The following RAB40C variants were observed in gnomAD, a reference collection of about 807,000 sequenced individuals.
RAB40C encodes the protein ras-related protein Rab-40C.
RAB40C carries 8 observed loss-of-function variants against 28.1 expected under a neutral mutation model. The observed-to-expected ratio is 0.28, with a 90% CI of 0.17 to 0.51. The LOEUF (loss-of-function observed/expected upper bound fraction) is 0.51, where lower values mean the gene tolerates loss of function less well. Ranked by LOEUF, RAB40C falls within the 20% of genes least tolerant of loss-of-function variation. RAB40C has a pLI of 0.97. For synonymous variants in RAB40C, 201 were observed against 171.7 expected, an observed-to-expected ratio of 1.17 and a Z score of -1.34; for missense variants, 288 against 405.9, an observed-to-expected ratio of 0.71 and a Z score of 2.50.
intron 3 of RAB40C, 124 bp from the exon 4 acceptor site, chr16:625,308 T>C: frequency 1.4e-6 from 2 of 1,475,572 alleles, no homozygotes; most frequent in Non-Finnish European, 1.8e-6. Context: ...CATCTGCCCA[T>C]CCGCCAAGTA....
chr16:598,542 A>G (rs181710803), intron 1 of RAB40C, among the ~76,000 whole-genome samples: 1 of 149,128 alleles, frequency 6.7e-6, no homozygotes, highest in Non-Finnish European at 1.5e-5. Context: ...GCTTGGTGAC[A>G]GAGCGAGACT....
chr16:608,415 C>G (rs1043868177), intron 1 of RAB40C, among the ~76,000 whole-genome samples: 1 of 152,226 alleles, frequency 6.6e-6, no homozygotes, highest in Non-Finnish European at 1.5e-5. Context: ...TAGCTCCCAC[C>G]TCGTCCTCTG....
At position 627,584 on chromosome 16, in the gene RAB40C, C is replaced by T. The variant is rs754026121; in HGVS notation, c.808C>T (p.Pro270Ser). ...SKSIRPPQSPPQNCSRSNCKI... is the reference protein window; with the variant it reads ...SKSIRPPQSPSQNCSRSNCKI... ...GTCCATCCGTCCACCCCAGAGCCCC[C>T]CCCAGAACTGCTCGCGGAGTAACTG... The change falls in exon 6 of 6, where the codon CCC (proline) becomes TCC (serine). Residue 270 changes from proline (P) to serine (S), a missense_variant. Around this residue, in one of 3 missense-constraint regions of RAB40C, gnomAD observed 57 missense variants for 55.3 expected, o/e 1.03. Transcript: ENST00000248139. The T allele has an allele frequency of 1.2e-6, 2 of 1,604,880 alleles. No homozygotes were observed. Among genetic ancestry groups the T allele is most frequent in the Non-Finnish European group, 1.7e-6 (2 of 1,174,282 alleles).
rs372187993 is a variant in RAB40C at position 617,194 on chromosome 16, G to A, written c.143-14G>A. On this transcript the variant is annotated splice_polypyrimidine_tract_variant and intron_variant, in intron 1 of 5. Transcript: ENST00000248139. ...GAGTGGCGCGTCCCCTCAGCGCCCTGTGCTTCCTCGCAGGGATCGACTACA... is the reference window on the plus strand; with the variant it reads ...GAGTGGCGCGTCCCCTCAGCGCCCTATGCTTCCTCGCAGGGATCGACTACA... 9.2e-5 allele frequency: 149 copies of A among 1,613,324 alleles called. 2 individuals are homozygous for A. Among genetic ancestry groups the A allele is most frequent in the Non-Finnish European group, 1.7e-5 (20 of 1,179,970 alleles).
At chr16:594,115 G>T (rs2036061832) in intron 1 of RAB40C, among the ~76,000 whole-genome samples, 1 of 152,182 alleles carries the variant, frequency 6.6e-6, no homozygotes, top group South Asian at 2.1e-4. Flanking sequence ...GAAGGTCCTG[G>T]ATTAAGGCAG....
At chr16:606,500 A>G (rs1379127595) in intron 1 of RAB40C, among the ~76,000 whole-genome samples, 68 of 124,086 alleles carry the variant, frequency 5.5e-4, no homozygotes, top group South Asian at 8.2e-4. Flanking sequence ...TGGCTGACAC[A>G]CAGTCCTCTC....
At chr16:624,748 G>A (rs1025177894) in intron 3 of RAB40C, 1 of 985,456 alleles carries the variant, frequency 1.0e-6, no homozygotes, top group Non-Finnish European at 1.2e-6. Context: ...CGGGCATAGG[G>A]GAATGGGCCT....
chr16:598,897 A>G (rs1427743775), intron 1 of RAB40C, among the ~76,000 whole-genome samples: 2 of 152,330 alleles, frequency 1.3e-5, no homozygotes, highest in South Asian at 2.1e-4. Flanking sequence ...AGCACTCTCC[A>G]GCAGCTCCAG....
chr16:600,479 A>C (rs139551643), intron 1 of RAB40C, among the ~76,000 whole-genome samples: 1 of 152,146 alleles, frequency 6.6e-6, no homozygotes, highest in Non-Finnish European at 1.5e-5. Context: ...CCGGATGGGC[A>C]CGGTGGCTCA....
intron 2 of RAB40C, 35 bp downstream of exon 2, chr16:617,303 G>C (rs768773289): frequency 1.2e-6 from 2 of 1,611,928 alleles, no homozygotes; most frequent in Admixed American, 3.3e-5. Context: ...GTTCCTGGGT[G>C]AGGACACAAA....
Position 617,085 on chromosome 16 carries a change from G to A in RAB40C, c.143-123G>A. 3 of 1,007,508 alleles carry A rather than the reference G, an allele frequency of 3.0e-6. No homozygotes were observed. The South Asian group carries it at 4.0e-5, about 13-fold the overall frequency. The allele number at this position is 1,007,508 out of a possible 1,614,324, so 62.4% of individuals were successfully genotyped here. A position where few individuals can be genotyped will look rare whatever the true frequency, so the allele number is the denominator to read the frequency against. ...TCCCCCTGCCCCACTGGCTGAGTGT[G>A]GGGGAGCTGCTTCTCCACTTCCGCG... On this transcript the variant is annotated intron_variant, in intron 1 of 5. Coordinates refer to ENST00000248139, the MANE Select transcript of RAB40C (RefSeq NM_021168.5).
intron 3 of RAB40C, among the ~76,000 whole-genome samples, chr16:618,992 A>G (rs1231914386): frequency 2.3e-4 from 15 of 65,788 alleles, no homozygotes; most frequent in Admixed American, 5.4e-4. Flanking sequence ...GGTCTGGCGG[A>G]CGCACTGGGG....
Position 592,680 on chromosome 16 carries a change from G to A in RAB40C, c.142+2247G>A, listed in dbSNP as rs888348770. On this transcript the variant is annotated intron_variant, in intron 1 of 5. Transcript: ENST00000248139. ...CGCTGCGCACTCCCAGGAGGCTGGCGGCGTGCGTGTTTGTGCATGTTCAGA... is the reference window on the plus strand; with the variant it reads ...CGCTGCGCACTCCCAGGAGGCTGGCAGCGTGCGTGTTTGTGCATGTTCAGA... 3.3e-5 allele frequency among the ~76,000 whole-genome samples: 5 copies of A among 152,362 alleles called. No homozygotes were observed. In the South Asian group the frequency reaches 6.2e-4, roughly 19 times the overall value.
chr16:590,536 T>C (rs981729418), intron 1 of RAB40C, 103 bp downstream of exon 1: 120 of 1,329,708 alleles, frequency 9.0e-5, no homozygotes, highest in Non-Finnish European at 1.2e-4. Flanking sequence ...CCGCCGAACG[T>C]TCCCAGGAAC....
intron 1 of RAB40C, among the ~76,000 whole-genome samples, chr16:613,609 G>A (rs2036527691): frequency 6.6e-6 from 1 of 152,268 alleles, no homozygotes; most frequent in South Asian, 2.1e-4. Context: ...CCTTTTCACT[G>A]CTTCTTGGTC....
At position 619,330 on chromosome 16, in the gene RAB40C, GT is replaced by G. The variant is rs1285314936; in HGVS notation, c.264+1071del. The stretch of plus-strand genomic sequence containing the variant: ...GTGTAGTGGGTGCACTCAGGGCCAT[GT>G]GTGTGTGCAGCCATGTGCACAGGTC... On this transcript the variant is annotated intron_variant, in intron 3 of 5. Coordinates refer to ENST00000248139, the MANE Select transcript of RAB40C (RefSeq NM_021168.5). 2.0e-5 allele frequency among the ~76,000 whole-genome samples: 3 copies of G among 149,052 alleles called. No individual in the cohort carries two copies. The East Asian group carries it at 6.1e-4, about 30-fold the overall frequency.
Position 591,702 on chromosome 16 carries a change from C to G in RAB40C, c.142+1269C>G, listed in dbSNP as rs183404360. Among the ~76,000 whole-genome samples, 382 of 152,092 alleles carry G rather than the reference C, an allele frequency of 2.5e-3. 2 individuals carry two copies. Among genetic ancestry groups the G allele is most frequent in the African/African-American group, 8.6e-3 (358 of 41,472 alleles). ...CGCCTCCTGGGTTCAAGCGATTCCC[C>G]TGTCTCAGCCTCCCGAGTAGCTGGG... is the stretch of plus-strand genomic sequence containing the variant. On this transcript the variant is annotated intron_variant, in intron 1 of 5. Transcript: ENST00000248139.
At chr16:591,812 GTC>G (rs2036005661) in intron 1 of RAB40C, among the ~76,000 whole-genome samples, 1 of 152,112 alleles carries the variant, frequency 6.6e-6, no homozygotes, top group Non-Finnish European at 1.5e-5. Context: ...GGCCAGGATG[GTC>G]TCAATCTCCT....
chr16:625,606 T>G, intron 4 of RAB40C, 97 bp downstream of exon 4: 1 of 1,280,332 alleles, frequency 7.8e-7, no homozygotes, highest in South Asian at 1.2e-5. Flanking sequence ...CCGCCCCTCC[T>G]GTGGCCCCGG....
Sources: allele counts gnomAD v4.1 joint callset (sites outside exome capture counted in the v4.1 genomes callset), GRCh38; gene constraint gnomAD v4.1.1; regional missense constraint gnomAD v4.1.1; transcripts MANE v1.5; gene names NCBI Gene and HGNC (gene_info 2026-07-23, HGNC 2026-07-21).